Variants in COL19A1 observed in about 807,000 individuals in gnomAD.
COL19A1 encodes collagen type XIX alpha 1 chain.
COL19A1 carries 159 observed loss-of-function variants against 190.2 expected under a neutral mutation model. The ratio of observed to expected loss-of-function variants is 0.84; its 90% CI spans 0.73 to 0.95. The LOEUF (loss-of-function observed/expected upper bound fraction) is 0.95, where lower values mean the gene tolerates loss of function less well. Ranked by LOEUF, COL19A1 falls within the 40% of genes least tolerant of loss-of-function variation. The pLI is 0.00. For missense variants in COL19A1, 1,418 were observed against 1,431.9 expected, an observed-to-expected ratio of 0.99 and a Z score of 0.16; for synonymous variants, 509 against 458.9, an observed-to-expected ratio of 1.11 and a Z score of -1.39.
Position 69,928,027 on chromosome 6 carries a change from C to A in COL19A1, c.385C>A (p.Pro129Thr), listed in dbSNP as rs1238057889. 6.2e-7 allele frequency: 1 copy of A among 1,612,588 alleles called. No homozygotes were observed. Among genetic ancestry groups the A allele is most frequent in the Non-Finnish European group, 8.5e-7 (1 of 1,179,208 alleles). The part of the protein sequence containing the change: ...LWQVLNQQNI[P>T]QISIVVDGGK... ...GCAGGTTTTAAACCAGCAGAATATT[C>A]CACAGGTAAAGTACCATTAGAGTTG... Residue 129 changes from proline (P) to threonine (T), a missense_variant, in exon 5 of 51, where the codon CCA (proline) becomes ACA (threonine). Coordinates refer to ENST00000620364, the MANE Select transcript of COL19A1 (RefSeq NM_001858.6).
intron 4 of COL19A1, among the ~76,000 whole-genome samples, chr6:69,907,546 A>T (rs1230015882): frequency 6.6e-6 from 1 of 152,110 alleles, no homozygotes; most frequent in South Asian, 2.1e-4. Flanking sequence ...ATATTTAGGG[A>T]TCTTGATATA....
At chr6:69,983,404 T>C (rs1199782212) in intron 11 of COL19A1, among the ~76,000 whole-genome samples, 1 of 152,200 alleles carries the variant, frequency 6.6e-6, no homozygotes, top group African/African-American at 2.4e-5. Context: ...GTTCACAGAC[T>C]ACCATGCAAT....
At chr6:69,997,360 G>T (rs558365966) in intron 11 of COL19A1, among the ~76,000 whole-genome samples, 44 of 152,302 alleles carry the variant, frequency 2.9e-4, no homozygotes, top group South Asian at 8.3e-4. Context: ...AAATGGGCCG[G>T]ATGTGGTGGC....
At chr6:70,071,409 A>G (rs1010554226) in intron 15 of COL19A1, among the ~76,000 whole-genome samples, 1 of 152,170 alleles carries the variant, frequency 6.6e-6, no homozygotes, top group Non-Finnish European at 1.5e-5. Context: ...ATCTTAGTTT[A>G]TAAAGTGTTC....
intron 11 of COL19A1, among the ~76,000 whole-genome samples, chr6:70,010,296 A>G (rs1054286398): frequency 6.6e-6 from 1 of 152,144 alleles, no homozygotes; most frequent in Non-Finnish European, 1.5e-5. Context: ...ACTCATGAAA[A>G]GTTGTTCAAC....
At chr6:69,894,693 C>G (rs1769595004) in intron 2 of COL19A1, among the ~76,000 whole-genome samples, 1 of 152,130 alleles carries the variant, frequency 6.6e-6, no homozygotes, top group South Asian at 2.1e-4. Flanking sequence ...CAGAAAGAAA[C>G]TTATTCCCTA....
At chr6:70,099,089 A>G (rs2150184482) in intron 15 of COL19A1, among the ~76,000 whole-genome samples, 1 of 151,326 alleles carries the variant, frequency 6.6e-6, no homozygotes, top group African/African-American at 2.4e-5. Context: ...AAAAATTGAG[A>G]AAAAAAGAGA....
At chr6:70,065,564 T>C (rs563667717) in intron 14 of COL19A1, among the ~76,000 whole-genome samples, 8,092 of 152,110 alleles carry the variant, frequency 0.053, 702 homozygotes, top group African/African-American at 0.19. Flanking sequence ...ACTTCATGTC[T>C]AAAACACCAA....
At chr6:69,947,098 A>G (rs2150030973) in intron 9 of COL19A1, among the ~76,000 whole-genome samples, 1 of 151,994 alleles carries the variant, frequency 6.6e-6, no homozygotes, top group South Asian at 2.1e-4. Flanking sequence ...GCTCCGGAAC[A>G]TTGGCTGCTA....
chr6:70,181,273 A>G (rs1427858294), intron 44 of COL19A1, among the ~76,000 whole-genome samples: 1 of 152,130 alleles, frequency 6.6e-6, no homozygotes, highest in Non-Finnish European at 1.5e-5. Context: ...CCTCTGTGAA[A>G]CCTTCAGGGT....
intron 2 of COL19A1, among the ~76,000 whole-genome samples, chr6:69,895,401 C>T (rs1201833736): frequency 6.6e-6 from 1 of 152,212 alleles, no homozygotes; most frequent in African/African-American, 2.4e-5. Flanking sequence ...AAAAATGTCG[C>T]AGGACTTTTC....
intron 7 of COL19A1, among the ~76,000 whole-genome samples, chr6:69,933,715 TAGGTG>T (rs1582449072): frequency 6.6e-6 from 1 of 152,226 alleles, no homozygotes; most frequent in East Asian, 1.9e-4. Flanking sequence ...CTTATATTAC[TAGGTG>T]TAACTATATT....
At position 69,929,585 on chromosome 6, in the gene COL19A1, C is replaced by T; in HGVS notation, c.551C>T (p.Ser184Leu). The stretch of plus-strand genomic sequence containing the variant: ...ATTAGTATACAATCCCAGGTCATTT[C>T]ACTTTATATGGATTGTAATTTAATT... ...LGISIQSQVI[S>L]LYMDCNLIAR... The change falls in exon 6 of 51, where the codon TCA (serine) becomes TTA (leucine). Residue 184 changes from serine (S) to leucine (L), a missense_variant. Transcript: ENST00000620364. 6.2e-7 allele frequency: 1 copy of T among 1,613,936 alleles called. No individual in the cohort carries two copies. The highest frequency in any genetic ancestry group is 8.5e-7 in the Non-Finnish European group (1 of 1,179,944).
chr6:70,048,295 A>G (rs555147995), intron 14 of COL19A1, among the ~76,000 whole-genome samples: 1 of 152,268 alleles, frequency 6.6e-6, no homozygotes, highest in South Asian at 2.1e-4. Context: ...TATAGTGTTC[A>G]CATAAGGGAA....
intron 2 of COL19A1, chr6:69,890,796 C>A (rs905830153): frequency 6.5e-6 from 1 of 153,140 alleles, no homozygotes; most frequent in African/African-American, 2.4e-5. Context: ...GGGAAGGCTG[C>A]CCTCCAACCT....
At position 70,151,256 on chromosome 6, in the gene COL19A1, A is replaced by T. The variant is rs530117538; in HGVS notation, c.2038-141A>T. The T allele has an allele frequency of 1.5e-4, 103 of 707,964 alleles. 1 individual carries two copies. The East Asian group carries it at 2.8e-3, about 19-fold the overall frequency. The allele number at this position is 707,964 out of a possible 1,614,324, so 43.9% of individuals were successfully genotyped here. On this transcript the variant is annotated intron_variant, in intron 30 of 50. Transcript: ENST00000620364. The stretch of plus-strand genomic sequence containing the variant: ...TGCACATTTCTTTATACGAAACATA[A>T]TGTTAAGCCAGTGATTCTAAAGTGA...
chr6:70,021,677 T>C (rs1448571281), intron 11 of COL19A1, among the ~76,000 whole-genome samples: 1 of 152,334 alleles, frequency 6.6e-6, no homozygotes, highest in East Asian at 1.9e-4. Context: ...GTCCAATGGA[T>C]GGAATTTATC....
chr6:70,091,776 C>T (rs1158533712), intron 15 of COL19A1, among the ~76,000 whole-genome samples: 19 of 151,212 alleles, frequency 1.3e-4, no homozygotes, highest in African/African-American at 4.4e-4. Context: ...CAATTGCTGC[C>T]GGCAGGACCA....
chr6:70,134,902 A>T (rs896965408), intron 18 of COL19A1, among the ~76,000 whole-genome samples: 2 of 152,160 alleles, frequency 1.3e-5, no homozygotes, highest in African/African-American at 4.8e-5. Flanking sequence ...GTAGCAACAG[A>T]TCCCACAGAT....
Sources: gnomAD v4.1 joint callset for allele counts (sites outside exome capture counted in the v4.1 genomes callset) on GRCh38, gnomAD v4.1.1 for gene constraint, MANE v1.5 for transcripts, NCBI Gene and HGNC (gene_info 2026-07-23, HGNC 2026-07-21) for gene names.